Variants in PRKG1 observed in about 807,000 individuals in gnomAD.
The protein encoded by PRKG1 is protein kinase cGMP-dependent 1, also known as cGMP-dependent protein kinase 1.
Under a neutral mutation model 88.1 loss-of-function variants are expected in PRKG1, and 35 were observed. The observed-to-expected ratio is 0.40, with a 90% CI of 0.30 to 0.53. The LOEUF (loss-of-function observed/expected upper bound fraction) is 0.53. Ranked by LOEUF, PRKG1 falls within the 20% of genes least tolerant of loss-of-function variation. PRKG1 has a pLI of 0.59. For synonymous variants in PRKG1, 303 were observed against 292.5 expected (o/e 1.04, Z -0.37); for missense variants, 540 against 839.8 (o/e 0.64, Z 4.41).
At chr10:52,280,984 T>C in intron 13 of PRKG1, 54 bp downstream of exon 13, 1 of 1,549,842 alleles carries the variant, frequency 6.5e-7, no homozygotes, top group Non-Finnish European at 8.8e-7. Flanking sequence ...TATTTGTTTA[T>C]AAAACTGTGT....
At chr10:51,696,288 G>A (rs546040255) in intron 3 of PRKG1, 28 of 152,282 alleles carry the variant, frequency 1.8e-4, no homozygotes, top group African/African-American at 6.5e-4. Flanking sequence ...GTCTGGTGGA[G>A]CAAATGGACA....
At chr10:51,047,242 A>G (rs1341293617) in intron 1 of PRKG1, among the ~76,000 whole-genome samples, 2 of 152,332 alleles carry the variant, frequency 1.3e-5, no homozygotes, top group East Asian at 1.9e-4. Flanking sequence ...TTAAAGAGCT[A>G]GATTCCACCA....
chr10:50,997,073 G>A (rs560955374), intron 1 of PRKG1, among the ~76,000 whole-genome samples: 47 of 152,290 alleles, frequency 3.1e-4, no homozygotes, highest in African/African-American at 1.1e-3. Context: ...ACAGGAGGTG[G>A]TAGTGTCTTG....
chr10:52,063,100 A>G (rs1351645491), intron 7 of PRKG1, among the ~76,000 whole-genome samples: 1 of 152,086 alleles, frequency 6.6e-6, no homozygotes, highest in Non-Finnish European at 1.5e-5. Flanking sequence ...GCTTGGGCCC[A>G]TTGGGCTCAT....
At chr10:51,977,872 C>T (rs1481616931) in intron 5 of PRKG1, among the ~76,000 whole-genome samples, 3 of 152,066 alleles carry the variant, frequency 2.0e-5, no homozygotes, top group Non-Finnish European at 4.4e-5. Flanking sequence ...GGATATCAGA[C>T]ATTTATCAGA....
chr10:51,277,754 T>G (rs1286155538), intron 2 of PRKG1, among the ~76,000 whole-genome samples: 1 of 152,234 alleles, frequency 6.6e-6, no homozygotes, highest in Non-Finnish European at 1.5e-5. Flanking sequence ...TTTGGCTCTC[T>G]GCCTGTTATT....
At chr10:51,151,063 T>C (rs1369052197) in intron 1 of PRKG1, among the ~76,000 whole-genome samples, 4 of 151,246 alleles carry the variant, frequency 2.6e-5, no homozygotes, top group East Asian at 1.9e-4. Flanking sequence ...GCTGAACAAG[T>C]TGTGGTTCTT....
intron 7 of PRKG1, among the ~76,000 whole-genome samples, chr10:52,110,557 G>A (rs575245025): frequency 2.4e-4 from 37 of 152,110 alleles, no homozygotes; most frequent in African/African-American, 4.1e-4. Flanking sequence ...TTGTGCAGAG[G>A]CAGGGAGGGA....
At chr10:51,731,595 A>G (rs1842272124) in intron 3 of PRKG1, among the ~76,000 whole-genome samples, 2 of 152,224 alleles carry the variant, frequency 1.3e-5, no homozygotes, top group African/African-American at 4.8e-5. Context: ...AGAGAAAATA[A>G]TTAATATACA....
intron 1 of PRKG1, among the ~76,000 whole-genome samples, chr10:51,128,338 C>T (rs879886584): frequency 1.8e-4 from 27 of 152,180 alleles, no homozygotes; most frequent in South Asian, 2.1e-4. Context: ...TCCATATGCA[C>T]GGAATTCAAA....
chr10:51,077,410 C>T (rs562537454), intron 1 of PRKG1, among the ~76,000 whole-genome samples: 1 of 152,130 alleles, frequency 6.6e-6, no homozygotes, highest in African/African-American at 2.4e-5. Flanking sequence ...GTTTTTGATT[C>T]TCTTTTTTTT....
At chr10:51,624,214 G>A (rs914926062) in intron 3 of PRKG1, among the ~76,000 whole-genome samples, 1 of 152,122 alleles carries the variant, frequency 6.6e-6, no homozygotes, top group Non-Finnish European at 1.5e-5. Context: ...GTGTCCAAAG[G>A]CTAGCAGTAA....
intron 9 of PRKG1, among the ~76,000 whole-genome samples, chr10:52,219,177 T>A (rs1840184936): frequency 7.0e-6 from 1 of 142,838 alleles, no homozygotes; most frequent in African/African-American, 2.6e-5. Context: ...GATGAATAGA[T>A]TTTGAGCTGG....
In PRKG1 at chr10:51,727,676, G is replaced by A. The variant is rs189560534; in HGVS notation, c.593-76909G>A. Among the ~76,000 whole-genome samples the A allele has an allele frequency of 2.0e-4, 31 of 152,200 alleles. No individual in the cohort carries two copies. The East Asian group carries it at 4.4e-3, about 22-fold the overall frequency. On this transcript the variant is annotated intron_variant, in intron 3 of 17. Transcript: ENST00000373980. ...ACCCTATATCTTAACTCATATCTCC[G>A]GAGAGTAGTTCAATAGGCTGGTAGC... is the stretch of plus-strand genomic sequence containing the variant.
At chr10:52,204,812 C>T (rs143648786) in intron 9 of PRKG1, among the ~76,000 whole-genome samples, 194 of 152,250 alleles carry the variant, frequency 1.3e-3, no homozygotes, top group African/African-American at 4.4e-3. Flanking sequence ...GAAATCTGGG[C>T]ACCTTAAGAA....
chr10:51,511,189 A>G (rs918190589), intron 3 of PRKG1, among the ~76,000 whole-genome samples: 6 of 152,144 alleles, frequency 3.9e-5, no homozygotes, highest in Admixed American at 1.3e-4. Context: ...CATTTACGAC[A>G]TTCACTCTTC....
intron 3 of PRKG1, among the ~76,000 whole-genome samples, chr10:51,733,074 C>CA (rs202138428): frequency 0.012 from 1,779 of 151,486 alleles, 28 homozygotes; most frequent in African/African-American, 0.038. Context: ...ACAACAACAA[C>CA]AAAAAAAACA....
At chr10:51,456,530 C>T (rs1839590687) in intron 2 of PRKG1, among the ~76,000 whole-genome samples, 1 of 152,062 alleles carries the variant, frequency 6.6e-6, no homozygotes, top group African/African-American at 2.4e-5. Flanking sequence ...TAGATATTGG[C>T]TTAGGCAAAG....
intron 4 of PRKG1, among the ~76,000 whole-genome samples, chr10:51,905,446 T>C (rs1421769278): frequency 1.3e-5 from 2 of 152,194 alleles, no homozygotes; most frequent in African/African-American, 4.8e-5. Flanking sequence ...GCCAAAATTA[T>C]GCTGTAAGTC....
Sources: gnomAD v4.1 joint callset for allele counts (sites outside exome capture counted in the v4.1 genomes callset) on GRCh38, gnomAD v4.1.1 for gene constraint, MANE v1.5 for transcripts, NCBI Gene and HGNC (gene_info 2026-07-23, HGNC 2026-07-21) for gene names.